Variants in ZBED6 observed in about 807,000 individuals in gnomAD.
The protein encoded by ZBED6 is zinc finger BED-type containing 6.
ZBED6 carries 40 observed loss-of-function variants against 58.4 expected under a neutral mutation model. The observed-to-expected ratio is 0.68, with a 90% CI of 0.53 to 0.89. ZBED6 has a LOEUF of 0.89. ZBED6 is among the 40% of genes least tolerant of loss of function. ZBED6 has a pLI of 0.00. For synonymous variants in ZBED6, 439 were observed against 350.6 expected, an observed-to-expected ratio of 1.25 and a Z score of -2.82; for missense variants, 1,057 against 1,003.9, an observed-to-expected ratio of 1.05 and a Z score of -0.71.
exon 1 of ZBED6, chr1:203,800,107 C>T (rs921310418): frequency 1.3e-6 from 2 of 1,536,150 alleles, no homozygotes; most frequent in Admixed American, 2.0e-5. Flanking sequence ...ATGTTCCCTT[C>T]TGCTGTAGCA....
intron 11 of ZBED6, among the ~76,000 whole-genome samples, chr1:203,841,068 AT>A (rs1264704666): frequency 6.6e-6 from 1 of 152,120 alleles, no homozygotes; most frequent in Non-Finnish European, 1.5e-5. Context: ...ATCAACTTGC[AT>A]TGTATCAAGT....
intron 3 of ZBED6, among the ~76,000 whole-genome samples, chr1:203,827,638 C>T (rs1680988685): frequency 1.3e-5 from 2 of 150,414 alleles, no homozygotes; most frequent in East Asian, 2.0e-4. Context: ...GCGGAGATCG[C>T]GCCACTGCAC....
chr1:203,839,345 A>T (rs1685366502), intron 10 of ZBED6, among the ~76,000 whole-genome samples: 2 of 152,176 alleles, frequency 1.3e-5, no homozygotes, highest in Admixed American at 1.3e-4. Context: ...CCCCTCAGGG[A>T]ATTAGAATTC....
intron 16 of ZBED6, 113 bp from the exon 17 acceptor site, chr1:203,852,028 T>C: frequency 9.7e-7 from 1 of 1,035,450 alleles, no homozygotes; most frequent in Non-Finnish European, 1.4e-6. Context: ...GAATTATTTC[T>C]TTATGTATGT....
chr1:203,816,849 C>T (rs968743270), intron 1 of ZBED6, 77 bp from the exon 2 acceptor site: 10 of 455,960 alleles, frequency 2.2e-5, no homozygotes, highest in Admixed American at 4.1e-5. Flanking sequence ...TCTAGCAATA[C>T]GATCTCATTA....
exon 9 of ZBED6, chr1:203,833,849 A>C (rs776050743): frequency 8.7e-5 from 140 of 1,610,052 alleles, no homozygotes; most frequent in Admixed American, 2.0e-4. Context: ...GAAAATTTTC[A>C]GCAGGTAAGA....
chr1:203,810,465 G>A (rs1035400132), intron 1 of ZBED6, among the ~76,000 whole-genome samples: 42 of 147,066 alleles, frequency 2.9e-4, no homozygotes, highest in African/African-American at 1.0e-3. Context: ...TGTCGCCCAG[G>A]CTAGAGTGCA....
At position 203,797,557 on chromosome 1, in the gene ZBED6, C is replaced by CA; in HGVS notation, c.36dup (p.Leu13ThrfsTer11). The CA allele has an allele frequency of 6.5e-7, 1 of 1,526,852 alleles. No individual in the cohort carries two copies. The highest frequency in any genetic ancestry group is 8.7e-7 in the Non-Finnish European group (1 of 1,144,302). 94.6% of individuals were successfully genotyped at this position (1,526,852 alleles called of 1,614,324 possible). A position where few individuals can be genotyped will look rare whatever the true frequency, so the allele number is the denominator to read the frequency against. ...TGTACTCTAAGTGTACCAGTTTCTT[C>CA]ACTCTCTCCTGGCAGAAGATGCAAC... On this transcript the variant is annotated frameshift_variant, in exon 1 of 17. Coordinates refer to ENST00000550078, the Ensembl canonical transcript of ZBED6. LOFTEE classifies it high-confidence loss of function.
chr1:203,846,886 C>T (rs929249317), intron 11 of ZBED6, among the ~76,000 whole-genome samples: 1 of 151,928 alleles, frequency 6.6e-6, no homozygotes, highest in East Asian at 1.9e-4. Context: ...TACCTGTAGT[C>T]CCAGCTACTT....
At chr1:203,850,925 A>T in intron 15 of ZBED6, 132 bp from the exon 16 acceptor site, 2 of 1,249,154 alleles carry the variant, frequency 1.6e-6, no homozygotes. Context: ...CTCAACCTTT[A>T]GATTATCGAT....
At chr1:203,807,089 G>T (rs1289477778) in intron 1 of ZBED6, among the ~76,000 whole-genome samples, 1 of 151,762 alleles carries the variant, frequency 6.6e-6, no homozygotes, top group Non-Finnish European at 1.5e-5. Flanking sequence ...TCATTGTGTT[G>T]CCCAGGCTGG....
At chr1:203,851,968 C>CAAAAAAA (rs57160781) in intron 16 of ZBED6, among the ~76,000 whole-genome samples, 173 bp from the exon 17 acceptor site, 2 of 45,842 alleles carry the variant, frequency 4.4e-5, no homozygotes, top group Non-Finnish European at 7.0e-5. Flanking sequence ...GACTCTGCCT[C>CAAAAAAA]AAAAAAAAAA....
intron 3 of ZBED6, among the ~76,000 whole-genome samples, chr1:203,821,526 C>T (rs1678693499): frequency 2.6e-5 from 4 of 152,074 alleles, no homozygotes; most frequent in Admixed American, 2.6e-4. Flanking sequence ...AGCATCTCTG[C>T]TTTTTGGCCT....
chr1:203,830,268 T>G (rs1046492460), intron 7 of ZBED6, 65 bp downstream of exon 7: 1 of 1,271,002 alleles, frequency 7.9e-7, no homozygotes, highest in African/African-American at 1.5e-5. Flanking sequence ...AGGACGCTTC[T>G]AGAAGCAACA....
At position 203,815,211 on chromosome 1, in the gene ZBED6, C is replaced by CTTTCTTTT. The variant is rs779729339; in HGVS notation, c.*2555-1712_*2555-1711insCTTTTTTT. Among the ~76,000 whole-genome samples, 424 of 59,242 alleles carry CTTTCTTTT rather than the reference C, an allele frequency of 7.2e-3. 12 individuals are homozygous for CTTTCTTTT. Among genetic ancestry groups the CTTTCTTTT allele is most frequent in the African/African-American group, 0.016 (325 of 20,874 alleles). 38.9% of individuals were successfully genotyped at this position (59,242 alleles called of 152,430 possible). On this transcript the variant is annotated intron_variant, in intron 1 of 16. Transcript: ENST00000550078. ...GTTATTTCATTATTTTCTTCCTTTT[C>CTTTCTTTT]TTTTCTTTTTTTTTTTTTTTTGAGA...
Position 203,829,158 on chromosome 1 carries a change from G to A in ZBED6, c.*2998-293G>A, listed in dbSNP as rs554812354. On this transcript the variant is annotated intron_variant, in intron 4 of 16. Coordinates refer to ENST00000550078, the Ensembl canonical transcript of ZBED6. ...GCTGAGCAAAAAGCCTAGAATTGCAGTATTAAAATTAAAGGTCTAGAATTT... is the reference window on the plus strand; with the variant it reads ...GCTGAGCAAAAAGCCTAGAATTGCAATATTAAAATTAAAGGTCTAGAATTT... The A allele has an allele frequency of 3.7e-4, 147 of 397,500 alleles. 1 individual carries two copies. The highest frequency in any genetic ancestry group is 5.8e-4 in the Non-Finnish European group (127 of 220,736). 24.6% of individuals were successfully genotyped at this position (397,500 alleles called of 1,614,324 possible).
exon 1 of ZBED6, chr1:203,798,910 G>A: frequency 6.5e-7 from 1 of 1,536,078 alleles, no homozygotes; most frequent in South Asian, 1.2e-5. Flanking sequence ...TTATATGATT[G>A]TGTCAGAGAA....
chr1:203,839,310 G>A (rs959833743), intron 10 of ZBED6, among the ~76,000 whole-genome samples: 3 of 152,196 alleles, frequency 2.0e-5, no homozygotes, highest in African/African-American at 7.2e-5. Flanking sequence ...CCAAGTAGCT[G>A]GAAGTACAGG....
intron 1 of ZBED6, among the ~76,000 whole-genome samples, chr1:203,811,327 AT>A (rs1457604707): frequency 5.9e-5 from 9 of 152,166 alleles, no homozygotes; most frequent in Admixed American, 3.9e-4. Context: ...AGATAAATAA[AT>A]AAATAAAATT....
Sources: allele counts gnomAD v4.1 joint callset (sites outside exome capture counted in the v4.1 genomes callset), GRCh38; gene constraint gnomAD v4.1.1; transcripts MANE v1.5; gene names NCBI Gene and HGNC (gene_info 2026-07-23, HGNC 2026-07-21).